Variants in CCDC149 observed in about 807,000 individuals in gnomAD.
CCDC149 encodes coiled-coil domain-containing protein 149.
Under a neutral mutation model 59.9 loss-of-function variants are expected in CCDC149, and 45 were observed. That is an observed-to-expected ratio of 0.75 (90% CI 0.59 to 0.96). The LOEUF (loss-of-function observed/expected upper bound fraction) is 0.96, where lower values mean the gene tolerates loss of function less well. CCDC149 is among the 40% of genes least tolerant of loss of function. The pLI, the probability that CCDC149 is intolerant of heterozygous loss-of-function variation, is 0.00. For synonymous variants in CCDC149, 245 were observed against 260.6 expected (o/e 0.94, Z 0.58); for missense variants, 584 against 664.7 (o/e 0.88, Z 1.33).
chr4:24,931,818 A>T (rs1722594314), intron 1 of CCDC149, among the ~76,000 whole-genome samples: 1 of 14,952 alleles, frequency 6.7e-5, no homozygotes. Context: ...CTTATATTGT[A>T]TGGAGAGTAT....
chr4:24,955,705 G>C (rs575851880), intron 1 of CCDC149, among the ~76,000 whole-genome samples: 2 of 152,264 alleles, frequency 1.3e-5, no homozygotes, highest in Admixed American at 6.5e-5. Context: ...GTAGAAGGGT[G>C]GTTGCCAGAA....
At chr4:24,939,783 GA>G (rs1722899889) in intron 1 of CCDC149, among the ~76,000 whole-genome samples, 1 of 152,226 alleles carries the variant, frequency 6.6e-6, no homozygotes, top group South Asian at 2.1e-4. Flanking sequence ...TCAAGTGGAA[GA>G]AAGGGTATCA....
At chr4:24,914,461 C>G (rs545123520), upstream of CCDC149, among the ~76,000 whole-genome samples, 19 of 151,824 alleles carry the variant, frequency 1.3e-4, no homozygotes, top group Non-Finnish European at 2.5e-4. Context: ...TGCTTCTGCT[C>G]TTGGAAACCA....
chr4:24,954,536 C>G (rs1240512410), intron 1 of CCDC149, among the ~76,000 whole-genome samples: 1 of 152,224 alleles, frequency 6.6e-6, no homozygotes, highest in Non-Finnish European at 1.5e-5. Flanking sequence ...ATGTGGATGC[C>G]ACCAAAGTTC....
intron 3 of CCDC149, among the ~76,000 whole-genome samples, chr4:24,869,270 T>G (rs1243202929): frequency 6.6e-6 from 1 of 151,914 alleles, no homozygotes; most frequent in African/African-American, 2.4e-5. Flanking sequence ...CGGCCAAAGG[T>G]GTAGGGGCTC....
At chr4:24,867,135 A>G (rs1182302473) in intron 3 of CCDC149, among the ~76,000 whole-genome samples, 1 of 152,256 alleles carries the variant, frequency 6.6e-6, no homozygotes, top group East Asian at 1.9e-4. Context: ...TGGATAAGTC[A>G]CAGGAAAAAT....
At chr4:24,811,608 C>A (rs1230716654) in intron 12 of CCDC149, among the ~76,000 whole-genome samples, 1 of 152,314 alleles carries the variant, frequency 6.6e-6, no homozygotes, top group East Asian at 1.9e-4. Context: ...CACAGTGGCT[C>A]ATGCCTCTAA....
At chr4:24,887,649 G>A (rs61793769) in intron 1 of CCDC149, among the ~76,000 whole-genome samples, 17,772 of 151,400 alleles carry the variant, frequency 0.12, 1,210 homozygotes, top group East Asian at 0.28. Flanking sequence ...TCCCTTCCCC[G>A]CCTCCAACAA....
At chr4:24,918,670 G>T (rs772488099) in intron 1 of CCDC149, among the ~76,000 whole-genome samples, 1 of 152,178 alleles carries the variant, frequency 6.6e-6, no homozygotes, top group Non-Finnish European at 1.5e-5. Flanking sequence ...TCCAGCACTG[G>T]TTCCTGCCTT....
At chr4:24,820,113 C>T in intron 11 of CCDC149, 138 bp from the exon 12 acceptor site, 1 of 628,890 alleles carries the variant, frequency 1.6e-6, no homozygotes. Context: ...CGACTGCTGA[C>T]ATGCTCCATA....
chr4:24,895,442 G>A (rs1228955214), intron 1 of CCDC149, among the ~76,000 whole-genome samples: 1 of 152,142 alleles, frequency 6.6e-6, no homozygotes, highest in African/African-American at 2.4e-5. Context: ...GTCAGCTCTG[G>A]GTAGTCAAAT....
chr4:24,859,385 C>T lies in CCDC149; in HGVS notation c.265-6206G>A, dbSNP rs117551568. Among the ~76,000 whole-genome samples, 145 of 151,988 alleles carry T rather than the reference C, an allele frequency of 9.5e-4. 3 individuals carry two copies. In the East Asian group the frequency reaches 0.023, roughly 24 times the overall value. On this transcript the variant is annotated intron_variant, in intron 3 of 12. Transcript: ENST00000635206. ...TATGATGGGTTTATCAGAATGTAAC[C>T]CCCTTGAGCATCCCTTTATGATTAA...
rs529706678 is a variant in CCDC149, at chr4:24,941,790, A to G, written c.-65+38279T>C. 1.6e-4 allele frequency among the ~76,000 whole-genome samples: 24 copies of G among 152,336 alleles called. 1 individual carries two copies. The South Asian group carries it at 5.0e-3, about 32-fold the overall frequency. ...CACCTCTACACAAATAAACTAGAAA[A>G]TCTAGAAGAAATGGATAAATTCCTT... On this transcript the variant is annotated intron_variant, in intron 1 of 12. Transcript: ENST00000389609.
intron 1 of CCDC149, among the ~76,000 whole-genome samples, chr4:24,947,980 C>A (rs1318780749): frequency 6.6e-6 from 1 of 152,126 alleles, no homozygotes; most frequent in Non-Finnish European, 1.5e-5. Flanking sequence ...ATAACAGTGA[C>A]TTCGAGTGCC....
chr4:24,946,597 T>C (rs899112409), intron 1 of CCDC149, among the ~76,000 whole-genome samples: 2 of 152,224 alleles, frequency 1.3e-5, no homozygotes, highest in Non-Finnish European at 2.9e-5. Context: ...AAAACGCAGT[T>C]GCATAGCTAG....
chr4:24,864,632 G>A (rs747569289), intron 3 of CCDC149, among the ~76,000 whole-genome samples: 22 of 152,282 alleles, frequency 1.4e-4, no homozygotes, highest in Middle Eastern at 3.4e-3. Context: ...CTGGCCCTGC[G>A]TGAATTAAAC....
chr4:24,813,489 A>AATATATCTATATCTATATCTATCTATAT (rs1186488610), intron 12 of CCDC149, among the ~76,000 whole-genome samples: 5 of 113,734 alleles, frequency 4.4e-5, no homozygotes, highest in African/African-American at 2.0e-4. Context: ...CAGCTTGGGG[A>AATATATCTATATCTATATCTATCTATAT]ATATATATAT....
intron 1 of CCDC149, among the ~76,000 whole-genome samples, chr4:24,977,551 G>C (rs1446645545): frequency 6.6e-6 from 1 of 152,148 alleles, no homozygotes; most frequent in Non-Finnish European, 1.5e-5. Context: ...AGCCTGTCTA[G>C]CTAATACCAG....
intron 3 of CCDC149, among the ~76,000 whole-genome samples, chr4:24,865,432 AAT>A (rs1177231959): frequency 3.3e-5 from 5 of 152,318 alleles, no homozygotes; most frequent in African/African-American, 1.2e-4. Context: ...TGTTAACAGT[AAT>A]AGAGTGAAAC....
Sources: gnomAD v4.1 joint callset for allele counts (sites outside exome capture counted in the v4.1 genomes callset) on GRCh38, gnomAD v4.1.1 for gene constraint, MANE v1.5 for transcripts, NCBI Gene and HGNC (gene_info 2026-07-23, HGNC 2026-07-21) for gene names.